The following GPBP1 variants were observed in gnomAD, a reference collection of about 807,000 sequenced individuals.
GPBP1 encodes vasculin.
A neutral mutation model predicts 56.5 loss-of-function variants in GPBP1; 13 were observed. The ratio of observed to expected loss-of-function variants is 0.23; its 90% CI spans 0.15 to 0.37. The LOEUF (loss-of-function observed/expected upper bound fraction) is 0.37, where lower values mean the gene tolerates loss of function less well. Ranked by LOEUF, GPBP1 falls within the 10% of genes least tolerant of loss-of-function variation. GPBP1 has a pLI of 1.00. For synonymous variants in GPBP1, 204 were observed against 188.9 expected (o/e 1.08, Z -0.66); for missense variants, 477 against 572.3 (o/e 0.83, Z 1.70).
At chr5:57,184,224 A>G (rs982228072) in intron 2 of GPBP1, among the ~76,000 whole-genome samples, 12 of 152,080 alleles carry the variant, frequency 7.9e-5, no homozygotes, top group Non-Finnish European at 1.3e-4. Context: ...AGATTGAGAC[A>G]CTGTCTCAAA....
chr5:57,211,709 G>T (rs1755488866), intron 2 of GPBP1, among the ~76,000 whole-genome samples: 1 of 151,488 alleles, frequency 6.6e-6, no homozygotes, highest in Non-Finnish European at 1.5e-5. Context: ...TCAGCCTCCT[G>T]AGTAGCTGGG....
chr5:57,203,186 T>A (rs1196821529), intron 2 of GPBP1, among the ~76,000 whole-genome samples: 1 of 152,240 alleles, frequency 6.6e-6, no homozygotes, highest in Non-Finnish European at 1.5e-5. Flanking sequence ...AATGCTTTTT[T>A]AACCTTATTT....
At chr5:57,183,456 G>A (rs1040303969) in intron 2 of GPBP1, among the ~76,000 whole-genome samples, 1 of 152,150 alleles carries the variant, frequency 6.6e-6, no homozygotes, top group African/African-American at 2.4e-5. Context: ...GGCTTGGCTT[G>A]TGGCTCACGC....
At chr5:57,251,239 A>G (rs1741371584) in intron 10 of GPBP1, 98 bp downstream of exon 10, 1 of 1,003,618 alleles carries the variant, frequency 1.0e-6, no homozygotes, top group Non-Finnish European at 1.5e-6. Flanking sequence ...TTGGAATACA[A>G]CTTACGCCAT....
chr5:57,254,341 A>G (rs1741541854), intron 10 of GPBP1, among the ~76,000 whole-genome samples: 1 of 152,046 alleles, frequency 6.6e-6, no homozygotes, highest in African/African-American at 2.4e-5. Flanking sequence ...CCTTCTCCAA[A>G]TCATGTCCTG....
chr5:57,214,211 T>A lies in GPBP1; in HGVS notation c.63+18T>A. ...CAACAAAGGTACTCTTTCTGCATCT[T>A]TCTTTCTGTCTGCTTCTCTTGCATT... On this transcript the variant is annotated intron_variant, in intron 3 of 11. Coordinates refer to ENST00000506184, the MANE Select transcript of GPBP1 (RefSeq NM_022913.4). The A allele has an allele frequency of 6.3e-7, 1 of 1,577,196 alleles. No individual in the cohort carries two copies. The highest frequency in any genetic ancestry group is 8.7e-7 in the Non-Finnish European group (1 of 1,146,472).
chr5:57,247,224 T>C lies in GPBP1; in HGVS notation c.804+9T>C, dbSNP rs1741134133. ...CAAATTCAGTGAAAGAGGTATGACA[T>C]TAAAAATCACACTTGAGGAATGTAA... On this transcript the variant is annotated intron_variant, in intron 8 of 11. Transcript: ENST00000506184. The C allele has an allele frequency of 6.2e-7, 1 of 1,602,172 alleles. No homozygotes were observed. The highest frequency in any genetic ancestry group is 8.5e-7 in the Non-Finnish European group (1 of 1,173,622).
chr5:57,183,430 C>T (rs147678633), intron 2 of GPBP1, among the ~76,000 whole-genome samples: 37 of 152,110 alleles, frequency 2.4e-4, no homozygotes, highest in Non-Finnish European at 4.0e-4. Context: ...ATCCTTTCTC[C>T]GAAACTGAGA....
intron 1 of GPBP1, among the ~76,000 whole-genome samples, 172 bp downstream of exon 1, chr5:57,174,383 G>C (rs1753701052): frequency 6.6e-6 from 1 of 152,030 alleles, no homozygotes; most frequent in Non-Finnish European, 1.5e-5. Flanking sequence ...GGCGCAGATA[G>C]GCCCCTCTAG....
intron 3 of GPBP1, among the ~76,000 whole-genome samples, chr5:57,218,808 C>CAAAATTTA (rs1755806481): frequency 6.6e-6 from 1 of 152,174 alleles, no homozygotes; most frequent in African/African-American, 2.4e-5. Context: ...CCCATAAGGA[C>CAAAATTTA]TTACCAGGTC....
chr5:57,221,294 G>A, intron 3 of GPBP1: 1 of 954,224 alleles, frequency 1.0e-6, no homozygotes, highest in Non-Finnish European at 1.5e-6. Context: ...TGGCGCACTA[G>A]TTTTTTCTTT....
chr5:57,243,256 G>T (rs1460405769), intron 6 of GPBP1, among the ~76,000 whole-genome samples: 1 of 146,414 alleles, frequency 6.8e-6, no homozygotes, highest in Non-Finnish European at 1.5e-5. Context: ...TAGTAGAGAT[G>T]GGGTTTCACC....
intron 10 of GPBP1, among the ~76,000 whole-genome samples, chr5:57,251,572 C>T: frequency 6.7e-6 from 1 of 149,864 alleles, no homozygotes; most frequent in Non-Finnish European, 1.5e-5. Flanking sequence ...GTTGTTTCCA[C>T]CTCTTTTTTT....
At chr5:57,201,723 T>C (rs1755031932) in intron 2 of GPBP1, among the ~76,000 whole-genome samples, 2 of 152,200 alleles carry the variant, frequency 1.3e-5, no homozygotes, top group African/African-American at 4.8e-5. Context: ...AATGCAGAAA[T>C]TTCATTAACT....
At chr5:57,174,944 C>T (rs1753732963) in intron 1 of GPBP1, among the ~76,000 whole-genome samples, 1 of 152,092 alleles carries the variant, frequency 6.6e-6, no homozygotes, top group Non-Finnish European at 1.5e-5. Flanking sequence ...ACCTTTCTGG[C>T]CTTACTGGGT....
At chr5:57,214,243 T>C in intron 3 of GPBP1, 50 bp downstream of exon 3, 1 of 1,397,566 alleles carries the variant, frequency 7.2e-7, no homozygotes, top group Non-Finnish European at 1.0e-6. Flanking sequence ...CATTCATTTT[T>C]TACACAAATG....
At chr5:57,224,559 A>G (rs1450155266) in intron 3 of GPBP1, among the ~76,000 whole-genome samples, 4 of 151,816 alleles carry the variant, frequency 2.6e-5, no homozygotes, top group Admixed American at 2.6e-4. Context: ...GATCCTCTCT[A>G]GTCAGCCTTT....
At chr5:57,194,820 A>G (rs1423561990) in intron 2 of GPBP1, among the ~76,000 whole-genome samples, 2 of 152,166 alleles carry the variant, frequency 1.3e-5, no homozygotes, top group African/African-American at 4.8e-5. Flanking sequence ...GTTGTTGCAA[A>G]CGACAGGATT....
intron 3 of GPBP1, among the ~76,000 whole-genome samples, chr5:57,221,972 G>C (rs1403539472): frequency 6.7e-6 from 1 of 150,364 alleles, no homozygotes; most frequent in Non-Finnish European, 1.5e-5. Context: ...TGTTTATTTA[G>C]GTATTCTGGG....
Sources: allele counts gnomAD v4.1 joint callset (sites outside exome capture counted in the v4.1 genomes callset), GRCh38; gene constraint gnomAD v4.1.1; transcripts MANE v1.5; gene names NCBI Gene and HGNC (gene_info 2026-07-23, HGNC 2026-07-21).